Variants in CEP63 observed in about 807,000 individuals in gnomAD.
CEP63 encodes the protein centrosomal protein of 63 kDa.
Under a neutral mutation model 89.1 loss-of-function variants are expected in CEP63, and 84 were observed. That is an observed-to-expected ratio of 0.94 (90% CI 0.79 to 1.13). The LOEUF is 1.13. Ranked by LOEUF, CEP63 falls within the 50% of genes most tolerant of loss-of-function variation. The pLI is 0.00. For synonymous variants in CEP63, 267 were observed against 272.5 expected (o/e 0.98, Z 0.20); for missense variants, 838 against 813.3 (o/e 1.03, Z -0.37).
chr3:134,699,734 A>C, the CEP63 span, among the ~76,000 whole-genome samples: 2 of 152,190 alleles, frequency 1.3e-5, no homozygotes, highest in Admixed American at 1.3e-4. Flanking sequence ...TCAAGCTTTC[A>C]AGGATGGATT....
At chr3:134,726,711 T>G in the CEP63 span, among the ~76,000 whole-genome samples, 3 of 152,092 alleles carry the variant, frequency 2.0e-5, no homozygotes, top group Non-Finnish European at 4.4e-5. Flanking sequence ...GGTCCTGGGC[T>G]TTGACAAGCA....
At chr3:134,542,973 T>G (rs1170341001) in intron 6 of CEP63, among the ~76,000 whole-genome samples, 6 of 151,996 alleles carry the variant, frequency 3.9e-5, no homozygotes, top group Non-Finnish European at 5.9e-5. Context: ...TATGCCAGCC[T>G]TAAAATACCT....
At chr3:134,641,050 T>C in the CEP63 span, 19 of 152,602 alleles carry the variant, frequency 1.2e-4, no homozygotes, top group African/African-American at 4.6e-4. Flanking sequence ...CAGCACAATT[T>C]CCTGCTCCTT....
the CEP63 span, among the ~76,000 whole-genome samples, chr3:134,612,335 C>A: frequency 6.6e-6 from 1 of 152,120 alleles, no homozygotes; most frequent in Admixed American, 6.5e-5. Flanking sequence ...CACTCCAGGG[C>A]AGAAGGAGGC....
chr3:134,597,391 T>A, the CEP63 span, among the ~76,000 whole-genome samples: 1 of 152,234 alleles, frequency 6.6e-6, no homozygotes, highest in Non-Finnish European at 1.5e-5. Flanking sequence ...GGATCCCAGA[T>A]GGCTTTGGGT....
chr3:134,703,171 C>G, the CEP63 span, among the ~76,000 whole-genome samples: 11 of 151,698 alleles, frequency 7.3e-5, 1 homozygote, highest in African/African-American at 2.7e-4. Flanking sequence ...TGGTGGGTGC[C>G]TGTAGTCCCA....
At chr3:134,653,431 C>T in the CEP63 span, among the ~76,000 whole-genome samples, 7 of 152,324 alleles carry the variant, frequency 4.6e-5, no homozygotes, top group South Asian at 1.2e-3. Flanking sequence ...GTGCCTGACA[C>T]CTAGACCCTC....
Position 134,549,141 on chromosome 3 carries a change from G to T in CEP63, c.1147G>T (p.Ala383Ser). The change falls in exon 10 of 15, where the codon GCA (alanine) becomes TCA (serine). Residue 383 changes from alanine to serine, a missense_variant. Coordinates refer to ENST00000675561, the MANE Select transcript of CEP63 (RefSeq NM_001353108.3). ...ATATGAAGAACTGAAGAGGATGGAA[G>T]CACATAACAATGAATACAAAGCAGA... ...EKYEELKRME[A>S]HNNEYKAEIK... 5.0e-6 allele frequency: 8 copies of T among 1,612,710 alleles called. 1 individual carries two copies. The highest frequency in any genetic ancestry group is 6.8e-6 in the Non-Finnish European group (8 of 1,178,794).
Position 134,559,393 on chromosome 3 carries a change from T to TGAGA in CEP63, c.1919_1922dup (p.Ser641ArgfsTer5). ...AAGCCAATTTTTCTGACACTATGTC[T>TGAGA]GAGAGTATGAATGACCAAGAAGAGT... On this transcript the variant is annotated frameshift_variant, in exon 14 of 15. Transcript: ENST00000675561. LOFTEE classifies it high-confidence loss of function. The TGAGA allele has an allele frequency of 2.5e-6, 4 of 1,613,738 alleles. No homozygotes were observed. The highest frequency in any genetic ancestry group is 3.4e-6 in the Non-Finnish European group (4 of 1,179,598).
At chr3:134,489,660 C>A (rs1235289302) in intron 1 of CEP63, among the ~76,000 whole-genome samples, 2 of 152,140 alleles carry the variant, frequency 1.3e-5, no homozygotes, top group Non-Finnish European at 2.9e-5. Flanking sequence ...TATTTATCAA[C>A]TGAGAGTCTT....
the CEP63 span, among the ~76,000 whole-genome samples, chr3:134,762,107 GC>G: frequency 1.3e-5 from 2 of 152,158 alleles, no homozygotes; most frequent in Admixed American, 6.5e-5. Context: ...ACACATCAAT[GC>G]CAGCACAGTG....
chr3:134,653,695 G>A, the CEP63 span, among the ~76,000 whole-genome samples: 1 of 152,166 alleles, frequency 6.6e-6, no homozygotes. Flanking sequence ...GAGGTGGCTG[G>A]GATATCATTC....
chr3:134,690,995 C>A, the CEP63 span, among the ~76,000 whole-genome samples: 1 of 152,114 alleles, frequency 6.6e-6, no homozygotes, highest in Admixed American at 6.5e-5. Flanking sequence ...GTAATCTGCC[C>A]GCCTTGGCCT....
the CEP63 span, among the ~76,000 whole-genome samples, chr3:134,673,603 G>A: frequency 5.9e-5 from 9 of 152,164 alleles, no homozygotes; most frequent in African/African-American, 2.2e-4. Context: ...TAGCAGCTGG[G>A]CCCTTGGTGC....
chr3:134,754,071 A>G, the CEP63 span, among the ~76,000 whole-genome samples: 20 of 152,342 alleles, frequency 1.3e-4, no homozygotes, highest in Admixed American at 3.9e-4. Flanking sequence ...TGCCAAAAAT[A>G]TGATGAAATG....
intron 1 of CEP63, among the ~76,000 whole-genome samples, chr3:134,489,839 C>T (rs1356858676): frequency 6.6e-6 from 1 of 152,148 alleles, no homozygotes; most frequent in East Asian, 1.9e-4. Context: ...TTTTTGTAAA[C>T]CTATAATCAT....
chr3:134,526,327 C>T (rs950435331), intron 3 of CEP63, among the ~76,000 whole-genome samples: 2 of 152,126 alleles, frequency 1.3e-5, no homozygotes, highest in African/African-American at 4.8e-5. Context: ...CTGTCAGTGA[C>T]TGTCTTATTT....
chr3:134,701,207 CG>C, the CEP63 span, among the ~76,000 whole-genome samples: 1 of 5,936 alleles, frequency 1.7e-4, no homozygotes, highest in Non-Finnish European at 3.9e-4. Context: ...CACATATATA[CG>C]TATATATGTG....
the CEP63 span, among the ~76,000 whole-genome samples, chr3:134,677,635 G>A: frequency 6.6e-6 from 1 of 152,128 alleles, no homozygotes; most frequent in African/African-American, 2.4e-5. Context: ...TAGGGTTAGG[G>A]TGAGGGTTAA....
Sources: allele counts gnomAD v4.1 joint callset (sites outside exome capture counted in the v4.1 genomes callset), GRCh38; gene constraint gnomAD v4.1.1; transcripts MANE v1.5; gene names NCBI Gene and HGNC (gene_info 2026-07-23, HGNC 2026-07-21).